Variants in IL1RAP observed in about 807,000 individuals in gnomAD.
IL1RAP encodes interleukin-1 receptor accessory protein.
Under a neutral mutation model 60.7 loss-of-function variants are expected in IL1RAP, and 35 were observed. The ratio of observed to expected loss-of-function variants is 0.58; its 90% confidence interval spans 0.44 to 0.76. The LOEUF (loss-of-function observed/expected upper bound fraction) is 0.76, where lower values mean the gene tolerates loss of function less well. Ranked by LOEUF, IL1RAP falls within the 30% of genes least tolerant of loss-of-function variation. The probability of loss-of-function intolerance (pLI) is 0.00; values close to 1 mark genes in which losing one functional copy is unlikely to be tolerated. For missense variants in IL1RAP, 572 were observed against 693.9 expected (o/e 0.82, Z 1.97); for synonymous variants, 268 against 250.9 (o/e 1.07, Z -0.64).
At chr3:190,656,855 C>T in exon 12 of IL1RAP, 1 of 394,170 alleles carries the variant, frequency 2.5e-6, no homozygotes, top group East Asian at 4.0e-5. Context: ...GTGAAAGTTG[C>T]CTAAAGTCTG....
intron 3 of IL1RAP, among the ~76,000 whole-genome samples, chr3:190,603,693 A>G (rs1261221632): frequency 6.6e-6 from 1 of 152,182 alleles, no homozygotes; most frequent in African/African-American, 2.4e-5. Context: ...TATAATTTCT[A>G]TTGGACATTG....
chr3:190,559,377 T>G (rs1440987124), intron 2 of IL1RAP, among the ~76,000 whole-genome samples: 3 of 152,144 alleles, frequency 2.0e-5, no homozygotes, highest in African/African-American at 4.8e-5. Context: ...TTTCCTGTTT[T>G]GAAATTATTT....
chr3:190,581,475 G>A (rs181713087), intron 3 of IL1RAP, among the ~76,000 whole-genome samples: 18 of 152,320 alleles, frequency 1.2e-4, no homozygotes, highest in Non-Finnish European at 1.9e-4. Flanking sequence ...TTTTACATTC[G>A]AAGCTGGGTG....
At chr3:190,576,588 G>C (rs1182443127) in intron 3 of IL1RAP, among the ~76,000 whole-genome samples, 1 of 152,040 alleles carries the variant, frequency 6.6e-6, no homozygotes, top group East Asian at 1.9e-4. Context: ...GAACAATCCA[G>C]CCTAGCATTG....
intron 3 of IL1RAP, among the ~76,000 whole-genome samples, chr3:190,588,865 C>T (rs1207537289): frequency 6.6e-6 from 1 of 152,126 alleles, no homozygotes; most frequent in African/African-American, 2.4e-5. Context: ...AATTTAACCC[C>T]TGACATACCA....
At chr3:190,580,807 A>G (rs1727932664) in intron 3 of IL1RAP, among the ~76,000 whole-genome samples, 1 of 152,202 alleles carries the variant, frequency 6.6e-6, no homozygotes, top group Admixed American at 6.5e-5. Context: ...TGTTCTTATC[A>G]CTAAAATAAT....
chr3:190,631,035 A>G (rs1443523814), intron 9 of IL1RAP, among the ~76,000 whole-genome samples: 1 of 152,192 alleles, frequency 6.6e-6, no homozygotes, highest in Non-Finnish European at 1.5e-5. Context: ...AATAAGTATC[A>G]TTTATGTCTG....
intron 2 of IL1RAP, among the ~76,000 whole-genome samples, chr3:190,562,699 C>T (rs1050344299): frequency 0.016 from 323 of 20,568 alleles, 3 homozygotes; most frequent in Admixed American, 0.041. Context: ...CTCGTCCACA[C>T]ACACACACAC....
chr3:190,652,424 T>C (rs1734443834), downstream of IL1RAP, among the ~76,000 whole-genome samples: 1 of 150,604 alleles, frequency 6.6e-6, no homozygotes, highest in African/African-American at 2.5e-5. Flanking sequence ...ATTGCACCAC[T>C]GGACTCCAGC....
chr3:190,591,043 C>G (rs562853287), intron 3 of IL1RAP, among the ~76,000 whole-genome samples: 19 of 152,258 alleles, frequency 1.2e-4, no homozygotes, highest in East Asian at 3.9e-4. Context: ...TAAAATCTCC[C>G]TTGTCGTCCA....
chr3:190,594,548 A>G (rs1729218053), intron 3 of IL1RAP, among the ~76,000 whole-genome samples: 1 of 152,210 alleles, frequency 6.6e-6, no homozygotes, highest in African/African-American at 2.4e-5. Flanking sequence ...TCTGGGATCT[A>G]CCATATGACA....
At chr3:190,620,631 G>C (rs985893773) in intron 6 of IL1RAP, among the ~76,000 whole-genome samples, 191 bp downstream of exon 6, 1 of 152,136 alleles carries the variant, frequency 6.6e-6, no homozygotes, top group Non-Finnish European at 1.5e-5. Flanking sequence ...TTGGTCAACT[G>C]AATGAATATG....
At chr3:190,566,877 T>G (rs752862409) in intron 3 of IL1RAP, among the ~76,000 whole-genome samples, 1 of 152,182 alleles carries the variant, frequency 6.6e-6, no homozygotes, top group Non-Finnish European at 1.5e-5. Context: ...AAGGCATCTG[T>G]GGATGCTGAC....
intron 1 of IL1RAP, among the ~76,000 whole-genome samples, chr3:190,529,609 C>A (rs992787016): frequency 6.7e-6 from 1 of 150,070 alleles, no homozygotes; most frequent in Non-Finnish European, 1.5e-5. Flanking sequence ...CACTTGAACC[C>A]GGGAGGCGGA....
chr3:190,620,271 C>A lies in IL1RAP; in HGVS notation c.538-4C>A. On this transcript the variant is annotated splice_polypyrimidine_tract_variant and splice_region_variant and intron_variant, in intron 5 of 11. Coordinates refer to ENST00000447382, the MANE Select transcript of IL1RAP (RefSeq NM_002182.4). ...TAAACTTTTTTTTTTTTTACTTTTT[C>A]TAGGGCTGTTATAAAATACAGAATT... The A allele has an allele frequency of 1.4e-5, 19 of 1,343,268 alleles. No individual in the cohort carries two copies. Among genetic ancestry groups the A allele is most frequent in the African/African-American group, 1.6e-5 (1 of 64,432 alleles). The allele number at this position is 1,343,268 out of a possible 1,614,324, so 83.2% of individuals were successfully genotyped here. A position where few individuals can be genotyped will look rare whatever the true frequency, so the allele number is the denominator to read the frequency against.
exon 12 of IL1RAP, chr3:190,658,252 A>T (rs1161777571): frequency 1.3e-5 from 2 of 152,216 alleles, no homozygotes; most frequent in Non-Finnish European, 2.9e-5. Flanking sequence ...TATCTGTGGG[A>T]CATAGTTAGC....
At chr3:190,520,552 C>G (rs775022475) in intron 1 of IL1RAP, 2 of 152,136 alleles carry the variant, frequency 1.3e-5, no homozygotes, top group Non-Finnish European at 2.9e-5. Flanking sequence ...ATATTGACAG[C>G]AAGACCAGTG....
intron 3 of IL1RAP, among the ~76,000 whole-genome samples, chr3:190,572,511 G>A (rs1455383161): frequency 1.3e-5 from 2 of 152,068 alleles, no homozygotes; most frequent in Non-Finnish European, 2.9e-5. Flanking sequence ...GGCATAAAAT[G>A]CAAAGAGAAA....
chr3:190,646,681 A>G (rs1266533119), intron 11 of IL1RAP, among the ~76,000 whole-genome samples: 2 of 152,224 alleles, frequency 1.3e-5, no homozygotes, highest in Non-Finnish European at 2.9e-5. Context: ...TAATATATCT[A>G]ATCATAAGCA....
Sources: allele counts gnomAD v4.1 joint callset (sites outside exome capture counted in the v4.1 genomes callset), GRCh38; gene constraint gnomAD v4.1.1; transcripts MANE v1.5; gene names NCBI Gene and HGNC (gene_info 2026-07-23, HGNC 2026-07-21).